MUSK: variants seen among roughly 807,000 people sequenced by gnomAD.
MUSK encodes the protein muscle, skeletal receptor tyrosine-protein kinase.
MUSK carries 55 observed loss-of-function variants against 88.7 expected under a neutral mutation model. The ratio of observed to expected loss-of-function variants is 0.62; its 90% confidence interval spans 0.50 to 0.78. The LOEUF (loss-of-function observed/expected upper bound fraction) is 0.78. Ranked by LOEUF, MUSK falls within the 30% of genes least tolerant of loss-of-function variation. The probability of loss-of-function intolerance (pLI) is 0.00; values close to 1 mark genes in which losing one functional copy is unlikely to be tolerated. For synonymous variants in MUSK, 387 were observed against 391.9 expected, an observed-to-expected ratio of 0.99 and a Z score of 0.15; for missense variants, 1,015 against 1,074.3, an observed-to-expected ratio of 0.94 and a Z score of 0.77.
chr9:110,703,919 A>G (rs1249038490), intron 5 of MUSK, among the ~76,000 whole-genome samples: 1 of 152,222 alleles, frequency 6.6e-6, no homozygotes, highest in Non-Finnish European at 1.5e-5. Context: ...GAGCAGAGAA[A>G]TAAGCATTTC....
rs1203995472 is a variant in MUSK at position 110,804,316 on chromosome 9, T to C, written c.*3328T>C. On this transcript the variant is annotated 3_prime_UTR_variant, in exon 15 of 15. Coordinates refer to ENST00000374448, the MANE Select transcript of MUSK (RefSeq NM_005592.4). ...CTGGACCAAATGGCATGTACAATATTAACACTTCTGTTATGTGGTTTCATA... is the reference window on the plus strand; with the variant it reads ...CTGGACCAAATGGCATGTACAATATCAACACTTCTGTTATGTGGTTTCATA... 6.6e-6 allele frequency among the ~76,000 whole-genome samples: 1 copy of C among 152,160 alleles called. No individual in the cohort carries two copies. Among genetic ancestry groups the C allele is most frequent in the Non-Finnish European group, 1.5e-5 (1 of 67,988 alleles).
Position 110,678,967 on chromosome 9 carries a change from A to G in MUSK, c.80-3707A>G, listed in dbSNP as rs62571346. Among the ~76,000 whole-genome samples the G allele has an allele frequency of 7.6e-4, 115 of 152,236 alleles. 1 individual carries two copies. The highest frequency in any genetic ancestry group is 1.4e-3 in the Non-Finnish European group (96 of 67,964). ...TATGGTTAGAAAATATAGACTATAT[A>G]AAATCAATTCTTTGAGCTGGGTTAA... On this transcript the variant is annotated intron_variant, in intron 1 of 14. Coordinates refer to ENST00000374448, the MANE Select transcript of MUSK (RefSeq NM_005592.4).
chr9:110,747,327 T>C (rs1437789169), intron 6 of MUSK, among the ~76,000 whole-genome samples: 3 of 152,212 alleles, frequency 2.0e-5, no homozygotes, highest in Non-Finnish European at 4.4e-5. Context: ...TGCTTGTTTA[T>C]AGGCAGTCCC....
intron 5 of MUSK, among the ~76,000 whole-genome samples, chr9:110,698,180 T>A (rs972999446): frequency 2.6e-5 from 4 of 152,132 alleles, no homozygotes; most frequent in African/African-American, 9.7e-5. Context: ...ATAAACTGAG[T>A]ACAAACCCTT....
intron 7 of MUSK, among the ~76,000 whole-genome samples, chr9:110,755,983 T>TATATATATACATATATATATATATAC: frequency 1.6e-5 from 2 of 127,048 alleles, no homozygotes; most frequent in East Asian, 4.8e-4. Flanking sequence ...TATATACATA[T>TATATATATACATATATATATATATAC]ATATATATAT....
chr9:110,785,389 A>T, intron 12 of MUSK, 138 bp from the exon 13 acceptor site: 2 of 775,624 alleles, frequency 2.6e-6, no homozygotes, highest in Non-Finnish European at 4.0e-6. Context: ...ATTGCTCTCA[A>T]AACGAAGGAT....
chr9:110,695,400 T>C lies in MUSK; in HGVS notation c.359-3T>C. On this transcript the variant is annotated splice_polypyrimidine_tract_variant and splice_region_variant and intron_variant, in intron 3 of 14. Transcript: ENST00000374448. ...TTTATTTTGAATTTTCATTTCTTTT[T>C]AGAACCTAAAATAACTCGTCCTCCC... 6.7e-7 allele frequency: 1 copy of C among 1,484,914 alleles called. No homozygotes were observed. The highest frequency in any genetic ancestry group is 1.3e-5 in the South Asian group (1 of 74,568). The allele number at this position is 1,484,914 out of a possible 1,614,324, so 92.0% of individuals were successfully genotyped here.
In MUSK at chr9:110,771,161, CTTTTTTTTTTTT is replaced by C. The variant is rs34185224; in HGVS notation, c.1184+3089_1184+3100del. 5.2e-5 allele frequency among the ~76,000 whole-genome samples: 5 copies of C among 96,434 alleles called. No individual in the cohort carries two copies. In the Admixed American group the frequency reaches 5.6e-4, roughly 11 times the overall value. 63.3% of individuals were successfully genotyped at this position (96,434 alleles called of 152,430 possible). On this transcript the variant is annotated intron_variant, in intron 9 of 14. Transcript: ENST00000374448. ...AAATTTCTCTTATGCTCATTTCCTTCTTTTTTTTTTTTTTTTTTTTTTGTCCCTGGGTTCAAG... is the reference window on the plus strand; with the variant it reads ...AAATTTCTCTTATGCTCATTTCCTTCTTTTTTTTTTGTCCCTGGGTTCAAG...
chr9:110,721,044 T>A (rs759861084), intron 5 of MUSK, among the ~76,000 whole-genome samples: 2 of 152,094 alleles, frequency 1.3e-5, no homozygotes, highest in Non-Finnish European at 2.9e-5. Flanking sequence ...AAGCATCCCA[T>A]TATGATTAAA....
chr9:110,777,051 C>T (rs1198132765), intron 11 of MUSK, among the ~76,000 whole-genome samples: 1 of 152,104 alleles, frequency 6.6e-6, no homozygotes, highest in Admixed American at 6.5e-5. Context: ...TCATGATCTT[C>T]ATTTGTGACA....
At chr9:110,686,495 T>C (rs2076197870) in intron 2 of MUSK, among the ~76,000 whole-genome samples, 1 of 152,168 alleles carries the variant, frequency 6.6e-6, no homozygotes, top group Admixed American at 6.6e-5. Context: ...GCTGCTTCTC[T>C]TCCTATTTCT....
intron 5 of MUSK, among the ~76,000 whole-genome samples, chr9:110,700,103 C>T (rs749122884): frequency 5.3e-5 from 8 of 152,180 alleles, no homozygotes; most frequent in Admixed American, 1.3e-4. Context: ...CAAACGGTGA[C>T]ATACATAATT....
At chr9:110,686,182 G>T (rs1046600690) in intron 2 of MUSK, among the ~76,000 whole-genome samples, 2 of 151,770 alleles carry the variant, frequency 1.3e-5, no homozygotes, top group African/African-American at 4.8e-5. Context: ...GCGTTCCTTG[G>T]CCCCCTACTC....
At chr9:110,716,215 G>A (rs999101367) in intron 5 of MUSK, among the ~76,000 whole-genome samples, 2 of 149,894 alleles carry the variant, frequency 1.3e-5, no homozygotes, top group Non-Finnish European at 2.9e-5. Context: ...TACTTTTTTT[G>A]CACTAACCTA....
chr9:110,700,466 G>C (rs2131728962), intron 5 of MUSK, among the ~76,000 whole-genome samples: 1 of 152,184 alleles, frequency 6.6e-6, no homozygotes, highest in East Asian at 1.9e-4. Flanking sequence ...TTCTGCAAAT[G>C]AAGGAGAGGA....
Position 110,805,546 on chromosome 9 carries a change from T to G in MUSK, c.*4558T>G, listed in dbSNP as rs1368055229. ...TGTTGCTTTGTAAGAGCACTTTATA[T>G]ATTAAGGAGTTAAATTTTGTGATAT... On this transcript the variant is annotated 3_prime_UTR_variant, in exon 15 of 15. Coordinates refer to ENST00000374448, the MANE Select transcript of MUSK (RefSeq NM_005592.4). 6.6e-6 allele frequency among the ~76,000 whole-genome samples: 1 copy of G among 152,014 alleles called. No homozygotes were observed. Among genetic ancestry groups the G allele is most frequent in the Non-Finnish European group, 1.5e-5 (1 of 67,846 alleles).
chr9:110,730,211 G>A (rs1331851286), intron 5 of MUSK, among the ~76,000 whole-genome samples: 1 of 65,110 alleles, frequency 1.5e-5, no homozygotes. Context: ...TATTACCTTG[G>A]TCTATTTTCC....
In MUSK at chr9:110,800,928, C is replaced by A; in HGVS notation, c.2550C>A (p.Thr850=). Residue 850 remains threonine (T), a synonymous_variant, in exon 15 of 15, where the codon ACC becomes ACA. Transcript: ENST00000374448. The part of the protein sequence containing the change: ...SKLPADRPSF[T]SIHRILERMC... ...TGCCTGCAGACAGACCCAGTTTCAC[C>A]AGTATTCACCGAATTCTGGAACGCA... 1 of 1,531,152 alleles carries A rather than the reference C, an allele frequency of 6.5e-7. No homozygotes were observed. Among genetic ancestry groups the A allele is most frequent in the Non-Finnish European group, 8.8e-7 (1 of 1,140,778 alleles). The allele number at this position is 1,531,152 out of a possible 1,614,324, so 94.8% of individuals were successfully genotyped here.
chr9:110,787,309 C>A (rs2077886649), intron 13 of MUSK, among the ~76,000 whole-genome samples: 1 of 140,482 alleles, frequency 7.1e-6, no homozygotes, highest in Non-Finnish European at 1.5e-5. Flanking sequence ...TTGCAGTGAG[C>A]CTAGATCATG....
Sources: allele counts gnomAD v4.1 joint callset (sites outside exome capture counted in the v4.1 genomes callset), GRCh38; gene constraint gnomAD v4.1.1; transcripts MANE v1.5; gene names NCBI Gene and HGNC (gene_info 2026-07-23, HGNC 2026-07-21).